The following ZC2HC1A variants were observed in gnomAD, a reference collection of about 807,000 sequenced individuals.
ZC2HC1A encodes zinc finger C2HC domain-containing protein 1A.
ZC2HC1A carries 28 observed loss-of-function variants against 40.7 expected under a neutral mutation model. The observed-to-expected ratio is 0.69, with a 90% CI of 0.51 to 0.94. The LOEUF (loss-of-function observed/expected upper bound fraction) is 0.94. Among genes scored for constraint, ZC2HC1A ranks in the 40% least tolerant of loss-of-function variants. The pLI is 0.00. For missense variants in ZC2HC1A, 389 were observed against 386.3 expected (o/e 1.01, Z -0.06); for synonymous variants, 129 against 129.2 (o/e 1.00, Z 0.01).
rs773352232 is a variant in ZC2HC1A, at chr8:78,695,405, C to T, written c.505-2002C>T. 2.6e-5 allele frequency among the ~76,000 whole-genome samples: 4 copies of T among 152,148 alleles called. No homozygotes were observed. The South Asian group carries it at 6.2e-4, about 24-fold the overall frequency. On this transcript the variant is annotated intron_variant, in intron 5 of 8. Transcript: ENST00000263849. ...TTATGTAATGCTACCAGGAACCTTTCTGCCTGTTTCCTGCCTAAAGACTTG... is the reference window on the plus strand; with the variant it reads ...TTATGTAATGCTACCAGGAACCTTTTTGCCTGTTTCCTGCCTAAAGACTTG...
At chr8:78,677,583 C>G (rs1479725515) in intron 2 of ZC2HC1A, among the ~76,000 whole-genome samples, 1 of 152,026 alleles carries the variant, frequency 6.6e-6, no homozygotes, top group African/African-American at 2.4e-5. Flanking sequence ...CTTTTGTAAT[C>G]CTAAAACTAA....
intron 5 of ZC2HC1A, 41 bp from the exon 6 acceptor site, chr8:78,697,366 A>G: frequency 6.7e-7 from 1 of 1,497,898 alleles, no homozygotes; most frequent in Non-Finnish European, 9.1e-7. Context: ...ATCCATAATC[A>G]AAAAGTGATG....
At chr8:78,684,000 T>G (rs1809872557) in intron 3 of ZC2HC1A, among the ~76,000 whole-genome samples, 1 of 152,222 alleles carries the variant, frequency 6.6e-6, no homozygotes. Context: ...GACTTTGTTG[T>G]CCATATCACT....
chr8:78,693,009 G>A (rs1810263469), intron 5 of ZC2HC1A, among the ~76,000 whole-genome samples: 1 of 151,910 alleles, frequency 6.6e-6, no homozygotes, highest in Non-Finnish European at 1.5e-5. Context: ...GTGATAGTTT[G>A]CTGAGAATGA....
At chr8:78,697,992 GT>G (rs1441557856) in intron 6 of ZC2HC1A, among the ~76,000 whole-genome samples, 1 of 151,948 alleles carries the variant, frequency 6.6e-6, no homozygotes, top group African/African-American at 2.4e-5. Context: ...CTTTTTTGTT[GT>G]TTTTTTCAGC....
At chr8:78,693,803 T>A (rs1810302669) in intron 5 of ZC2HC1A, among the ~76,000 whole-genome samples, 2 of 152,228 alleles carry the variant, frequency 1.3e-5, no homozygotes, top group Admixed American at 1.3e-4. Context: ...ATGAAGTCCT[T>A]GCCCATGCCT....
intron 5 of ZC2HC1A, among the ~76,000 whole-genome samples, chr8:78,694,363 G>A (rs1039917482): frequency 6.6e-6 from 1 of 150,978 alleles, no homozygotes; most frequent in Non-Finnish European, 1.5e-5. Context: ...CTTGTTACAA[G>A]TAAAACGGTA....
At chr8:78,670,230 G>A (rs1809405467) in intron 1 of ZC2HC1A, among the ~76,000 whole-genome samples, 1 of 152,090 alleles carries the variant, frequency 6.6e-6, no homozygotes, top group Non-Finnish European at 1.5e-5. Flanking sequence ...ACGTCCCAAA[G>A]TGCTGGGATT....
Position 78,718,987 on chromosome 8 carries a change from T to C in ZC2HC1A, c.*1494T>C, listed in dbSNP as rs1453620397. 6.6e-6 allele frequency: 1 copy of C among 151,804 alleles called. No individual in the cohort carries two copies. Among genetic ancestry groups the C allele is most frequent in the Non-Finnish European group, 1.5e-5 (1 of 67,688 alleles). The allele number at this position is 151,804 out of a possible 1,614,324, so 9.4% of individuals were successfully genotyped here. On this transcript the variant is annotated 3_prime_UTR_variant, in exon 9 of 9. Transcript: ENST00000263849. Reference sequence around the variant, plus strand: ...GTTTGGGCAGGAGTTACAAACTTAATAGGAATTGTCATTTTACTTACAGTT... The same window carrying C: ...GTTTGGGCAGGAGTTACAAACTTAACAGGAATTGTCATTTTACTTACAGTT...
intron 5 of ZC2HC1A, among the ~76,000 whole-genome samples, chr8:78,692,604 G>A (rs970954336): frequency 2.6e-5 from 4 of 152,040 alleles, no homozygotes; most frequent in African/African-American, 9.7e-5. Context: ...AGTGTAGGTG[G>A]TTAAATCCAG....
intron 7 of ZC2HC1A, among the ~76,000 whole-genome samples, chr8:78,713,344 C>T (rs1811005768): frequency 6.6e-6 from 1 of 151,726 alleles, no homozygotes; most frequent in African/African-American, 2.4e-5. Flanking sequence ...TTATATTTTC[C>T]TCTAAATATA....
intron 5 of ZC2HC1A, among the ~76,000 whole-genome samples, chr8:78,696,088 G>A (rs1194617356): frequency 1.3e-5 from 2 of 151,746 alleles, no homozygotes; most frequent in Non-Finnish European, 2.9e-5. Flanking sequence ...AGGCTAGAGT[G>A]CAGTGGCGTG....
chr8:78,675,749 G>A (rs770382271), intron 1 of ZC2HC1A, 38 bp from the exon 2 acceptor site: 5 of 1,505,090 alleles, frequency 3.3e-6, no homozygotes, highest in Admixed American at 3.7e-5. Flanking sequence ...ACAATTTCAA[G>A]TTATATAAAT....
chr8:78,692,495 A>G (rs183506087), intron 5 of ZC2HC1A, among the ~76,000 whole-genome samples: 4 of 152,292 alleles, frequency 2.6e-5, no homozygotes, highest in South Asian at 2.1e-4. Context: ...AAAACTAGAC[A>G]TGACATGGTA....
chr8:78,681,735 G>T (rs928994936), intron 3 of ZC2HC1A, among the ~76,000 whole-genome samples: 1 of 151,974 alleles, frequency 6.6e-6, no homozygotes, highest in Non-Finnish European at 1.5e-5. Context: ...TTTTATATTT[G>T]TTCTGGTATC....
intron 1 of ZC2HC1A, among the ~76,000 whole-genome samples, chr8:78,669,875 C>T (rs933112682): frequency 2.6e-5 from 4 of 152,006 alleles, no homozygotes; most frequent in African/African-American, 7.2e-5. Context: ...TCCTTATACT[C>T]CTACCTCCTA....
At chr8:78,692,038 A>T (rs2130515138) in intron 5 of ZC2HC1A, among the ~76,000 whole-genome samples, 1 of 152,316 alleles carries the variant, frequency 6.6e-6, no homozygotes, top group Admixed American at 6.5e-5. Flanking sequence ...TTTTTGTGGT[A>T]AGAACATTTG....
intron 7 of ZC2HC1A, among the ~76,000 whole-genome samples, chr8:78,710,512 C>A (rs1810919324): frequency 6.6e-6 from 1 of 151,774 alleles, no homozygotes; most frequent in African/African-American, 2.4e-5. Flanking sequence ...AGGATTTGAC[C>A]ATTTCTTATC....
At chr8:78,696,926 T>C (rs1057046386) in intron 5 of ZC2HC1A, among the ~76,000 whole-genome samples, 2 of 152,210 alleles carry the variant, frequency 1.3e-5, no homozygotes, top group African/African-American at 4.8e-5. Context: ...TTGTTTGGTG[T>C]TTAAAATCTT....
Sources: gnomAD v4.1 joint callset for allele counts (sites outside exome capture counted in the v4.1 genomes callset) on GRCh38, gnomAD v4.1.1 for gene constraint, MANE v1.5 for transcripts, NCBI Gene and HGNC (gene_info 2026-07-23, HGNC 2026-07-21) for gene names.